The following CELF1 variants were observed in gnomAD, a reference collection of about 807,000 sequenced individuals.
The protein encoded by CELF1 is 50 kDa nuclear polyadenylated RNA-binding protein.
In CELF1, 10 loss-of-function variants were observed where a neutral mutation model predicts 61.8. The ratio of observed to expected loss-of-function variants is 0.16; its 90% CI spans 0.10 to 0.27. CELF1 has a LOEUF of 0.27. CELF1 is among the 10% of genes least tolerant of loss of function. The probability of loss-of-function intolerance (pLI) is 1.00; values close to 1 mark genes in which losing one functional copy is unlikely to be tolerated. For synonymous variants in CELF1, 236 were observed against 225.1 expected, an observed-to-expected ratio of 1.05 and a Z score of -0.43; for missense variants, 380 against 639.1, an observed-to-expected ratio of 0.59 and a Z score of 4.37.
At chr11:47,544,084 A>G (rs1423624228) in intron 1 of CELF1, among the ~76,000 whole-genome samples, 2 of 152,246 alleles carry the variant, frequency 1.3e-5, no homozygotes, top group African/African-American at 2.4e-5. Flanking sequence ...CGTCCTGTTT[A>G]GCACAGCATT....
chr11:47,539,345 T>C (rs964604181), intron 1 of CELF1, among the ~76,000 whole-genome samples: 2 of 152,064 alleles, frequency 1.3e-5, no homozygotes, highest in Non-Finnish European at 2.9e-5. Flanking sequence ...AAGGAGGGTA[T>C]GGGGGAAAAA....
intron 1 of CELF1, among the ~76,000 whole-genome samples, chr11:47,509,907 A>AAG (rs969186926): frequency 3.3e-5 from 5 of 151,250 alleles, no homozygotes; most frequent in Non-Finnish European, 7.4e-5. Flanking sequence ...CAAAAAAAAA[A>AAG]AAAAAATGGC....
rs530816448 is a variant in CELF1 at position 47,535,908 on chromosome 11, G to A, written c.-154+17084C>T. Among the ~76,000 whole-genome samples, 19 of 151,572 alleles carry A rather than the reference G, an allele frequency of 1.3e-4. No homozygotes were observed. In the South Asian group the frequency reaches 1.7e-3, roughly 13 times the overall value. Reference sequence around the variant, plus strand: ...CTCCCAAGTAGCTGGGATTACAGGCGTGTGCCACCGTGCCCAGCTAATTTT... The same window carrying A: ...CTCCCAAGTAGCTGGGATTACAGGCATGTGCCACCGTGCCCAGCTAATTTT... On this transcript the variant is annotated intron_variant, in intron 1 of 14. Transcript: ENST00000687097.
rs189775353 is a variant in CELF1 at position 47,529,139 on chromosome 11, G to A, written c.-154+23853C>T. 3.5e-3 allele frequency among the ~76,000 whole-genome samples: 521 copies of A among 150,050 alleles called. 9 individuals are homozygous for A. Among genetic ancestry groups the A allele is most frequent in the Admixed American group, 0.021 (311 of 15,002 alleles). On this transcript the variant is annotated intron_variant, in intron 1 of 14. Transcript: ENST00000687097. ...GTAGCTCAGGCTGGAGCACAGTGGCGCAATCTCAGCTCACTGCAACCTCTG... is the reference window on the plus strand; with the variant it reads ...GTAGCTCAGGCTGGAGCACAGTGGCACAATCTCAGCTCACTGCAACCTCTG...
upstream of CELF1, among the ~76,000 whole-genome samples, chr11:47,557,170 G>A (rs553011546): frequency 6.6e-6 from 1 of 151,596 alleles, no homozygotes; most frequent in East Asian, 2.0e-4. Context: ...AAAGTGCCGG[G>A]AGCCACCACG....
rs2077872493 is a variant in CELF1 at position 47,472,105 on chromosome 11, G to T, written c.*125C>A. On this transcript the variant is annotated 3_prime_UTR_variant, in exon 15 of 15. Transcript: ENST00000687097. ...CGAGTCTTCAGGGCAAGCTGTGCCT[G>T]CGAGAGTGGCAGGGATCAGGGTCCA... 3 of 1,142,920 alleles carry T rather than the reference G, an allele frequency of 2.6e-6. No individual in the cohort carries two copies. The highest frequency in any genetic ancestry group is 2.5e-6 in the Non-Finnish European group (2 of 796,642). 70.8% of individuals were successfully genotyped at this position (1,142,920 alleles called of 1,614,324 possible). A position where few individuals can be genotyped will look rare whatever the true frequency, so the allele number is the denominator to read the frequency against.
chr11:47,547,079 A>G (rs1420941075), intron 1 of CELF1, among the ~76,000 whole-genome samples: 3 of 148,130 alleles, frequency 2.0e-5, no homozygotes, highest in Non-Finnish European at 4.5e-5. Context: ...AAAAAAAAAA[A>G]AAAAAAAAAA....
chr11:47,549,218 C>CA (rs984628940), intron 1 of CELF1, among the ~76,000 whole-genome samples: 16 of 152,056 alleles, frequency 1.1e-4, no homozygotes, highest in African/African-American at 3.9e-4. Flanking sequence ...AAAAAACAAA[C>CA]AAACAAATAA....
intron 9 of CELF1, among the ~76,000 whole-genome samples, chr11:47,481,099 C>CTTT (rs2082887179): frequency 6.3e-4 from 39 of 62,224 alleles, no homozygotes; most frequent in Middle Eastern, 0.013. Flanking sequence ...TTTTTTTCTT[C>CTTT]TTCTTTTTTT....
At chr11:47,543,579 A>T (rs1359314872) in intron 1 of CELF1, among the ~76,000 whole-genome samples, 3 of 152,196 alleles carry the variant, frequency 2.0e-5, no homozygotes, top group Non-Finnish European at 4.4e-5. Context: ...CTATGACAAG[A>T]CCAAAGTTAT....
At chr11:47,541,203 G>T (rs1302283766) in intron 1 of CELF1, among the ~76,000 whole-genome samples, 1 of 152,050 alleles carries the variant, frequency 6.6e-6, no homozygotes, top group Non-Finnish European at 1.5e-5. Flanking sequence ...ATAATACTGG[G>T]TTAAAAAAGA....
chr11:47,558,576 T>TATATATATTTATATATAAATATATAA (rs1555194416), intron 2 of CELF1, among the ~76,000 whole-genome samples: 3,827 of 106,302 alleles, frequency 0.036, 71 homozygotes, highest in Non-Finnish European at 0.05. Flanking sequence ...AATATATAAA[T>TATATATATTTATATATAAATATATAA]ATATATATAT....
chr11:47,483,574 C>A (rs767810219), intron 7 of CELF1, 42 bp from the exon 8 acceptor site: 2 of 1,454,988 alleles, frequency 1.4e-6, no homozygotes, highest in South Asian at 1.1e-5. Flanking sequence ...TCATTTATTT[C>A]TCTGACAAAC....
At chr11:47,534,022 CTTT>C (rs71042679) in intron 1 of CELF1, among the ~76,000 whole-genome samples, 64 of 87,608 alleles carry the variant, frequency 7.3e-4, no homozygotes, top group African/African-American at 2.4e-3. Context: ...TTTTTCTTTC[CTTT>C]TTTTTTTTTT....
intron 1 of CELF1, among the ~76,000 whole-genome samples, chr11:47,504,866 C>T (rs964460192): frequency 6.9e-6 from 1 of 144,786 alleles, no homozygotes; most frequent in Admixed American, 7.1e-5. Context: ...CATGCCATTG[C>T]ACTCCAGCCT....
At position 47,553,069 on chromosome 11, in the gene CELF1, A is replaced by C. The variant is rs577592833; in HGVS notation, c.-231T>G. 1 of 401,032 alleles carries C rather than the reference A, an allele frequency of 2.5e-6. No individual in the cohort carries two copies. The highest frequency in any genetic ancestry group is 4.4e-5 in the Admixed American group (1 of 22,698). The allele number at this position is 401,032 out of a possible 1,614,324, so 24.8% of individuals were successfully genotyped here. A position where few individuals can be genotyped will look rare whatever the true frequency, so the allele number is the denominator to read the frequency against. On this transcript the variant is annotated 5_prime_UTR_variant, in exon 1 of 15. Coordinates refer to ENST00000687097, the MANE Select transcript of CELF1 (RefSeq NM_001376376.1). ...AGCCGCCGCCGCCGCCTCGCTGCTG[A>C]GGCCGAATCCCGGGGGAGCCTCCGC... is the stretch of plus-strand genomic sequence containing the variant.
At chr11:47,494,617 A>T (rs1466575965) in intron 3 of CELF1, 1 of 380,360 alleles carries the variant, frequency 2.6e-6, no homozygotes, top group Non-Finnish European at 3.6e-6. Context: ...GGGGCAGCAC[A>T]AATGTTCTAT....
At chr11:47,473,968 G>A (rs1336979856) in intron 13 of CELF1, among the ~76,000 whole-genome samples, 4 of 151,852 alleles carry the variant, frequency 2.6e-5, no homozygotes, top group Admixed American at 6.6e-5. Flanking sequence ...GTGCAGTGGC[G>A]TGAACTCAGG....
At chr11:47,517,075 A>C (rs1019779174) in intron 1 of CELF1, among the ~76,000 whole-genome samples, 1 of 151,998 alleles carries the variant, frequency 6.6e-6, no homozygotes, top group African/African-American at 2.4e-5. Context: ...AGTGAGACTT[A>C]TCTCTACAAA....
Sources: allele counts gnomAD v4.1 joint callset (sites outside exome capture counted in the v4.1 genomes callset), GRCh38; gene constraint gnomAD v4.1.1; transcripts MANE v1.5; gene names NCBI Gene and HGNC (gene_info 2026-07-23, HGNC 2026-07-21).